Variants in FOXK1 observed in about 807,000 individuals in gnomAD.
The protein encoded by FOXK1 is forkhead box protein K1.
Under a neutral mutation model 51.9 loss-of-function variants are expected in FOXK1, and 19 were observed. That is an observed-to-expected ratio of 0.37 (90% CI 0.26 to 0.54). FOXK1 has a LOEUF of 0.54. Among genes scored for constraint, FOXK1 ranks in the 20% least tolerant of loss-of-function variants. The pLI is 0.87. For synonymous variants in FOXK1, 537 were observed against 482.6 expected (o/e 1.11, Z -1.48); for missense variants, 870 against 1,032.7 (o/e 0.84, Z 2.16).
At chr7:4,704,344 G>C (rs909672603) in intron 1 of FOXK1, among the ~76,000 whole-genome samples, 4 of 151,344 alleles carry the variant, frequency 2.6e-5, no homozygotes, top group African/African-American at 9.7e-5. Flanking sequence ...CCAGCTACTC[G>C]GGTGGCTGAG....
rs1780689237 is a variant in FOXK1, at chr7:4,745,371, TGCCCCC to T, written c.746+4355_746+4360del. 1.4e-5 allele frequency among the ~76,000 whole-genome samples: 2 copies of T among 147,104 alleles called. No individual in the cohort carries two copies. The highest frequency in any genetic ancestry group is 2.4e-4 in the South Asian group (1 of 4,248). ...GGGAGCCTCCCTGATCAGCTGCCCC[TGCCCCC>T]GCCCCCCGCGCCACCCTGCGTCCTT... is the stretch of plus-strand genomic sequence containing the variant. On this transcript the variant is annotated intron_variant, in intron 2 of 8. Coordinates refer to ENST00000328914, the MANE Select transcript of FOXK1 (RefSeq NM_001037165.2). The surrounding 1 kb of genome is among the most constrained non-coding windows in gnomAD (Gnocchi z 4.3).
chr7:4,694,428 G>T (rs1289843366), intron 1 of FOXK1, among the ~76,000 whole-genome samples: 1 of 152,098 alleles, frequency 6.6e-6, no homozygotes, highest in East Asian at 1.9e-4. Flanking sequence ...CAAATCAGCA[G>T]TACACAGAGA....
intron 2 of FOXK1, among the ~76,000 whole-genome samples, chr7:4,742,361 C>A: frequency 6.6e-6 from 1 of 152,142 alleles, no homozygotes; most frequent in South Asian, 2.1e-4. Context: ...GAACCCCGGC[C>A]GCACCTTGGC....
chr7:4,737,628 A>G (rs1269650123), intron 1 of FOXK1, among the ~76,000 whole-genome samples: 3 of 152,094 alleles, frequency 2.0e-5, no homozygotes, highest in Non-Finnish European at 2.9e-5. Flanking sequence ...ACCGTCGTTC[A>G]CAGCTGGAGT....
At position 4,740,724 on chromosome 7, in the gene FOXK1, G is replaced by A. The variant is rs924551110; in HGVS notation, c.561-114G>A. ...CATCGAAACTGCTCTCTGGGGCCCAGGTTTGAGAGTTACGGTCCAGTTACT... is the reference window on the plus strand; with the variant it reads ...CATCGAAACTGCTCTCTGGGGCCCAAGTTTGAGAGTTACGGTCCAGTTACT... On this transcript the variant is annotated intron_variant, in intron 1 of 8. Transcript: ENST00000328914. The A allele has an allele frequency of 1.8e-5, 20 of 1,082,854 alleles. No individual in the cohort carries two copies. The Admixed American group carries it at 4.9e-4, about 26-fold the overall frequency. The allele number at this position is 1,082,854 out of a possible 1,614,324, so 67.1% of individuals were successfully genotyped here. A position where few individuals can be genotyped will look rare whatever the true frequency, so the allele number is the denominator to read the frequency against.
At chr7:4,719,828 C>T (rs768286690) in intron 1 of FOXK1, among the ~76,000 whole-genome samples, 1 of 152,156 alleles carries the variant, frequency 6.6e-6, no homozygotes, top group African/African-American at 2.4e-5. Context: ...TGCAGAGCCT[C>T]TTCAGTGAAA....
intron 2 of FOXK1, among the ~76,000 whole-genome samples, chr7:4,751,255 A>G (rs967229112): frequency 6.8e-6 from 1 of 147,952 alleles, no homozygotes; most frequent in East Asian, 2.1e-4. Flanking sequence ...TCCTGACCTC[A>G]TGATCCACCC....
rs1781012944 is a variant in FOXK1, at chr7:4,766,520, T to A, written c.*4056T>A. The A allele has an allele frequency of 6.6e-6, 1 of 152,238 alleles. No individual in the cohort carries two copies. Among genetic ancestry groups the A allele is most frequent in the South Asian group, 2.1e-4 (1 of 4,828 alleles). 9.4% of individuals were successfully genotyped at this position (152,238 alleles called of 1,614,324 possible). A position where few individuals can be genotyped will look rare whatever the true frequency, so the allele number is the denominator to read the frequency against. ...ATTTGTATCTCCCTTTTCTTTGATT[T>A]AAGAACAATGCCAAGTGAAAAAGCT... On this transcript the variant is annotated 3_prime_UTR_variant, in exon 9 of 9. Coordinates refer to ENST00000328914, the MANE Select transcript of FOXK1 (RefSeq NM_001037165.2). This position sits in a 1 kb window ranked among gnomAD's most constrained non-coding sequence, Gnocchi z 5.5.
At chr7:4,752,808 T>C (rs1780796911) in intron 2 of FOXK1, among the ~76,000 whole-genome samples, 1 of 152,216 alleles carries the variant, frequency 6.6e-6, no homozygotes. Context: ...CTGCAGCCCC[T>C]CCGGCCATGA....
chr7:4,699,285 GTTTT>G lies in FOXK1; in HGVS notation c.560+16431_560+16434del, dbSNP rs1180572340. 2.3e-5 allele frequency among the ~76,000 whole-genome samples: 3 copies of G among 130,376 alleles called. No individual in the cohort carries two copies. The South Asian group carries it at 8.1e-4, about 35-fold the overall frequency. The allele number at this position is 130,376 out of a possible 152,430, so 85.5% of individuals were successfully genotyped here. On this transcript the variant is annotated intron_variant, in intron 1 of 8. Transcript: ENST00000328914. ...CGTGGGGTCCTTATCCACAGGGTTA[GTTTT>G]TTTTTTTTTTTTTGAGACAGTCTCA...
At position 4,731,223 on chromosome 7, in the gene FOXK1, C is replaced by G. The variant is rs867565185; in HGVS notation, c.561-9615C>G. ...TCCCTGCAAGTCAAGCTCTGCTGTT[C>G]CCCGGCCTTCCCTTGAGACTCTTGG... On this transcript the variant is annotated intron_variant, in intron 1 of 8. Transcript: ENST00000328914. This position sits in a 1 kb window ranked among gnomAD's most constrained non-coding sequence, Gnocchi z 5.3. Among the ~76,000 whole-genome samples, 1 of 152,202 alleles carries G rather than the reference C, an allele frequency of 6.6e-6. No individual in the cohort carries two copies. The highest frequency in any genetic ancestry group is 1.5e-5 in the Non-Finnish European group (1 of 68,026).
At chr7:4,721,144 C>T (rs1780304141) in intron 1 of FOXK1, among the ~76,000 whole-genome samples, 1 of 152,214 alleles carries the variant, frequency 6.6e-6, no homozygotes, top group African/African-American at 2.4e-5. Flanking sequence ...AGCAGCCTCC[C>T]TCTGTGCATC....
At chr7:4,691,007 G>A (rs1406097911) in intron 1 of FOXK1, among the ~76,000 whole-genome samples, 1 of 152,134 alleles carries the variant, frequency 6.6e-6, no homozygotes, top group African/African-American at 2.4e-5. Flanking sequence ...GGGCGATCTT[G>A]TACTTAATTT....
chr7:4,741,012 G>A lies in FOXK1; in HGVS notation c.735G>A (p.Thr245=), dbSNP rs532161305. The change falls in exon 2 of 9, where the codon ACG becomes ACA. Residue 245 remains threonine, a synonymous_variant. Transcript: ENST00000328914. The part of the protein sequence containing the change: ...RSMVSPVPSP[T]GTISVPNSCP... ...TGGTCAGCCCCGTCCCCTCCCCGAC[G>A]GGCACCATCAGGTGAGTAGCCCCCC... is the stretch of plus-strand genomic sequence containing the variant. 1.2e-5 allele frequency: 19 copies of A among 1,523,062 alleles called. No homozygotes were observed. Among genetic ancestry groups the A allele is most frequent in the Admixed American group, 5.1e-5 (2 of 39,430 alleles). The allele number at this position is 1,523,062 out of a possible 1,614,324, so 94.3% of individuals were successfully genotyped here.
chr7:4,768,210 G>A lies in FOXK1; in HGVS notation c.*5746G>A, dbSNP rs557967890. ...TGCAGTGGCGTGATCTCGGCTCACT[G>A]CAAGCTCCGCCTCCCGGGTTCACGC... On this transcript the variant is annotated 3_prime_UTR_variant, in exon 9 of 9. Coordinates refer to ENST00000328914, the MANE Select transcript of FOXK1 (RefSeq NM_001037165.2). 1.7e-5 allele frequency: 2 copies of A among 120,870 alleles called. No individual in the cohort carries two copies. The highest frequency in any genetic ancestry group is 4.3e-4 in the East Asian group (2 of 4,612). The allele number at this position is 120,870 out of a possible 1,614,324, so 7.5% of individuals were successfully genotyped here. A position where few individuals can be genotyped will look rare whatever the true frequency, so the allele number is the denominator to read the frequency against.
At chr7:4,741,949 G>A (rs955978506) in intron 2 of FOXK1, among the ~76,000 whole-genome samples, 2 of 152,238 alleles carry the variant, frequency 1.3e-5, no homozygotes, top group African/African-American at 4.8e-5. Flanking sequence ...AAAAACAGAC[G>A]TGTACTTGAG....
At position 4,740,299 on chromosome 7, in the gene FOXK1, G is replaced by A. The variant is rs1330971309; in HGVS notation, c.561-539G>A. 5.3e-5 allele frequency among the ~76,000 whole-genome samples: 8 copies of A among 152,016 alleles called. No individual in the cohort carries two copies. In the East Asian group the frequency reaches 5.8e-4, roughly 11 times the overall value. On this transcript the variant is annotated intron_variant, in intron 1 of 8. Transcript: ENST00000328914. ...TAAAAAATTAGCCGGGCGTGGTGGC[G>A]GGCGCCTGTAGTCCCAGCTACTCGG...
chr7:4,683,007 A>G lies in FOXK1; in HGVS notation c.560+139A>G. 1.4e-6 allele frequency: 1 copy of G among 731,420 alleles called. No homozygotes were observed. The highest frequency in any genetic ancestry group is 2.3e-5 in the South Asian group (1 of 44,220). The allele number at this position is 731,420 out of a possible 1,614,324, so 45.3% of individuals were successfully genotyped here. On this transcript the variant is annotated intron_variant, in intron 1 of 8. Transcript: ENST00000328914. This position sits in a 1 kb window ranked among gnomAD's most constrained non-coding sequence, Gnocchi z 4.5. ...CCCGGCCCACCCCCGGTAACCCCCGACCGGCCTGGACTCCGGGGTCAACCC... is the reference window on the plus strand; with the variant it reads ...CCCGGCCCACCCCCGGTAACCCCCGGCCGGCCTGGACTCCGGGGTCAACCC...
At chr7:4,716,530 C>A (rs932381095) in intron 1 of FOXK1, among the ~76,000 whole-genome samples, 3 of 152,138 alleles carry the variant, frequency 2.0e-5, no homozygotes, top group Admixed American at 6.5e-5. Flanking sequence ...AAAAGAAATA[C>A]AAACCAGCAG....
Sources: gnomAD v4.1 joint callset for allele counts (sites outside exome capture counted in the v4.1 genomes callset) on GRCh38, gnomAD v4.1.1 for gene constraint, Gnocchi (gnomAD v3.1) non-coding constraint, MANE v1.5 for transcripts, NCBI Gene and HGNC (gene_info 2026-07-23, HGNC 2026-07-21) for gene names.